EPHA4: variants seen among roughly 807,000 people sequenced by gnomAD.
EPHA4 encodes the protein ephrin type-A receptor 4.
In EPHA4, 19 loss-of-function variants were observed where a neutral mutation model predicts 108.3. That is an observed-to-expected ratio of 0.18 (90% CI 0.12 to 0.26). The LOEUF is 0.26. Ranked by LOEUF, EPHA4 falls within the 10% of genes least tolerant of loss-of-function variation. The pLI is 1.00. For missense variants in EPHA4, 917 were observed against 1,254.0 expected (o/e 0.73, Z 4.06); for synonymous variants, 449 against 455.5 (o/e 0.99, Z 0.18).
chr2:221,457,614 T>G lies in EPHA4; in HGVS notation c.1443+252A>C, dbSNP rs72963138. ...CTACTTTTCAGGATAACTAAGTAAA[T>G]GATAAATTTCATAATCATACTTAAT... is the stretch of plus-strand genomic sequence containing the variant. On this transcript the variant is annotated intron_variant, in intron 6 of 17. Transcript: ENST00000281821. 6.6e-3 allele frequency among the ~76,000 whole-genome samples: 1,004 copies of G among 152,320 alleles called. 11 individuals carry two copies. The highest frequency in any genetic ancestry group is 8.0e-3 in the Non-Finnish European group (543 of 68,026).
chr2:221,568,750 G>A lies in EPHA4; in HGVS notation c.127C>T (p.Leu43Phe), dbSNP rs1290023348. ...LLDSRSVQGE[L>F]GWIASPLEGG... ...TCCAGAGGGCTTGCTATCCACCCAA[G>A]TTCTCCCTGAACAGATCTGGAATCC... Residue 43 changes from leucine (L) to phenylalanine (F), a missense_variant, in exon 2 of 18, where the codon CTT becomes TTT. Transcript: ENST00000281821. 1 of 1,613,766 alleles carries A rather than the reference G, an allele frequency of 6.2e-7. No homozygotes were observed. Among genetic ancestry groups the A allele is most frequent in the Non-Finnish European group, 8.5e-7 (1 of 1,179,884 alleles).
At chr2:221,556,862 A>T (rs984341675) in intron 3 of EPHA4, among the ~76,000 whole-genome samples, 2 of 152,182 alleles carry the variant, frequency 1.3e-5, no homozygotes, top group African/African-American at 4.8e-5. Context: ...TTAATCTATA[A>T]CTTAAACTTT....
intron 3 of EPHA4, among the ~76,000 whole-genome samples, chr2:221,560,360 T>C (rs1477642510): frequency 6.6e-6 from 1 of 152,148 alleles, no homozygotes; most frequent in Non-Finnish European, 1.5e-5. Flanking sequence ...ACCCTCTTTC[T>C]TGTCCTACCC....
intron 4 of EPHA4, among the ~76,000 whole-genome samples, chr2:221,496,858 A>T (rs1311404464): frequency 1.3e-5 from 2 of 152,172 alleles, no homozygotes; most frequent in Non-Finnish European, 2.9e-5. Context: ...GCAGTGAGCC[A>T]AGATTGTGTC....
chr2:221,531,467 A>T (rs1693511072), intron 3 of EPHA4, among the ~76,000 whole-genome samples: 1 of 152,174 alleles, frequency 6.6e-6, no homozygotes, highest in Non-Finnish European at 1.5e-5. Context: ...CCTTAGGCAG[A>T]AATTTCATAG....
At chr2:221,471,065 G>A (rs1415546212) in intron 5 of EPHA4, among the ~76,000 whole-genome samples, 13 of 152,038 alleles carry the variant, frequency 8.6e-5, no homozygotes, top group Non-Finnish European at 1.9e-4. Context: ...TAAGAATGGG[G>A]CAGAAACAAC....
In EPHA4 at chr2:221,545,806, C is replaced by T. The variant is rs539344205; in HGVS notation, c.823+17925G>A. Among the ~76,000 whole-genome samples the T allele has an allele frequency of 2.0e-5, 3 of 152,218 alleles. No homozygotes were observed. In the South Asian group the frequency reaches 6.2e-4, roughly 32 times the overall value. On this transcript the variant is annotated intron_variant, in intron 3 of 17. Coordinates refer to ENST00000281821, the MANE Select transcript of EPHA4 (RefSeq NM_004438.5). The stretch of plus-strand genomic sequence containing the variant: ...ACACACCACCCGCACACAATGTGTC[C>T]CTCTTCTGTTGACCTGGAATGCACT...
chr2:221,483,242 G>A (rs1329226838), intron 4 of EPHA4, among the ~76,000 whole-genome samples: 5 of 152,084 alleles, frequency 3.3e-5, no homozygotes, highest in South Asian at 2.1e-4. Context: ...CTGGTTTAAC[G>A]CGGTTGCAGA....
intron 14 of EPHA4, among the ~76,000 whole-genome samples, chr2:221,431,082 C>A (rs546731327): frequency 6.6e-6 from 1 of 152,232 alleles, no homozygotes; most frequent in Non-Finnish European, 1.5e-5. Context: ...GTATAAATTC[C>A]AAGAAAATAA....
intron 8 of EPHA4, among the ~76,000 whole-genome samples, chr2:221,451,578 GA>G (rs1690786174): frequency 6.6e-6 from 1 of 152,118 alleles, no homozygotes; most frequent in African/African-American, 2.4e-5. Flanking sequence ...AATTTATAGG[GA>G]CAGCATCATA....
intron 3 of EPHA4, among the ~76,000 whole-genome samples, chr2:221,511,398 G>A (rs1692824142): frequency 7.3e-6 from 1 of 137,554 alleles, no homozygotes; most frequent in Non-Finnish European, 1.7e-5. Flanking sequence ...CTCATACACT[G>A]CTAACTGTTC....
At chr2:221,519,080 A>T (rs544598635) in intron 3 of EPHA4, among the ~76,000 whole-genome samples, 2 of 152,328 alleles carry the variant, frequency 1.3e-5, no homozygotes, top group Admixed American at 1.3e-4. Context: ...GGCAGATAGG[A>T]TAAGAGATAA....
upstream of EPHA4, chr2:221,572,644 G>A: frequency 6.2e-6 from 1 of 160,108 alleles, no homozygotes; most frequent in Non-Finnish European, 1.4e-5. Flanking sequence ...GAAGAGGTTG[G>A]AAACCTTTTC....
At chr2:221,457,769 A>AGAGG (rs539041905) in intron 6 of EPHA4, 97 bp downstream of exon 6, 204 of 1,309,660 alleles carry the variant, frequency 1.6e-4, no homozygotes, top group Non-Finnish European at 2.1e-4. Context: ...AGAAAAGAAG[A>AGAGG]GAGGGAGGGA....
Position 221,567,914 on chromosome 2 carries a change from T to C in EPHA4, c.159+804A>G, listed in dbSNP as rs183600683. ...TAATTTTAAAAGGATTTGAGAGTTA[T>C]TTCAGTTTGGCAGAAGTCAGTTACA... On this transcript the variant is annotated intron_variant, in intron 2 of 17. Coordinates refer to ENST00000281821, the MANE Select transcript of EPHA4 (RefSeq NM_004438.5). Among the ~76,000 whole-genome samples the C allele has an allele frequency of 2.2e-4, 33 of 152,334 alleles. No homozygotes were observed. The East Asian group carries it at 6.2e-3, about 28-fold the overall frequency.
intron 4 of EPHA4, among the ~76,000 whole-genome samples, chr2:221,495,648 A>G (rs1186088936): frequency 1.1e-4 from 16 of 152,218 alleles, no homozygotes; most frequent in Non-Finnish European, 2.9e-5. Context: ...GGCTCCAGCA[A>G]AAGTATTCCC....
Position 221,425,289 on chromosome 2 carries a change from A to G in EPHA4, c.*739T>C, listed in dbSNP as rs1221152385. 6.6e-6 allele frequency: 1 copy of G among 152,636 alleles called. No homozygotes were observed. The highest frequency in any genetic ancestry group is 1.9e-4 in the East Asian group (1 of 5,198). 9.5% of individuals were successfully genotyped at this position (152,636 alleles called of 1,614,324 possible). A position where few individuals can be genotyped will look rare whatever the true frequency, so the allele number is the denominator to read the frequency against. ...CAGATTGTCACAGCCCACTATCCACAAGATAGTTAGGACAAGTTTGTAAAG... is the reference window on the plus strand; with the variant it reads ...CAGATTGTCACAGCCCACTATCCACGAGATAGTTAGGACAAGTTTGTAAAG... On this transcript the variant is annotated 3_prime_UTR_variant, in exon 17 of 18. Coordinates refer to ENST00000281821, the MANE Select transcript of EPHA4 (RefSeq NM_004438.5).
At chr2:221,432,647 T>C (rs72957039) in intron 14 of EPHA4, among the ~76,000 whole-genome samples, 15,015 of 85,180 alleles carry the variant, frequency 0.18, 852 homozygotes, top group Middle Eastern at 0.27. Flanking sequence ...GCACCGAACA[T>C]TTTTTTTTTT....
intron 2 of EPHA4, among the ~76,000 whole-genome samples, chr2:221,566,901 G>A (rs1475744294): frequency 2.5e-5 from 1 of 40,588 alleles, no homozygotes; most frequent in Non-Finnish European, 4.3e-5. Flanking sequence ...AGAAGGAGAA[G>A]GAGAAGGAGA....
Sources: allele counts gnomAD v4.1 joint callset (sites outside exome capture counted in the v4.1 genomes callset), GRCh38; gene constraint gnomAD v4.1.1; transcripts MANE v1.5; gene names NCBI Gene and HGNC (gene_info 2026-07-23, HGNC 2026-07-21).